The following PRKG2 variants were observed in gnomAD, a reference collection of about 807,000 sequenced individuals.
The protein encoded by PRKG2 is cGMP-dependent protein kinase 2.
In PRKG2, 33 loss-of-function variants were observed where a neutral mutation model predicts 97.2. The observed-to-expected ratio is 0.34, with a 90% CI of 0.26 to 0.45. The LOEUF (loss-of-function observed/expected upper bound fraction) is 0.45, where lower values mean the gene tolerates loss of function less well. Ranked by LOEUF, PRKG2 falls within the 20% of genes least tolerant of loss-of-function variation. The pLI, the probability that PRKG2 is intolerant of heterozygous loss-of-function variation, is 1.00. For synonymous variants in PRKG2, 330 were observed against 321.8 expected (o/e 1.03, Z -0.27); for missense variants, 638 against 900.0 (o/e 0.71, Z 3.73).
chr4:81,131,406 T>C (rs1746165220), intron 14 of PRKG2, among the ~76,000 whole-genome samples: 1 of 152,216 alleles, frequency 6.6e-6, no homozygotes, highest in Non-Finnish European at 1.5e-5. Flanking sequence ...ACCAGAGCTG[T>C]TCCTATTTGG....
At position 81,140,589 on chromosome 4, in the gene PRKG2, C is replaced by T. The variant is rs1351288858; in HGVS notation, c.1488G>A (p.Glu496=). 6.2e-7 allele frequency: 1 copy of T among 1,613,146 alleles called. No individual in the cohort carries two copies. Among genetic ancestry groups the T allele is most frequent in the Admixed American group, 1.7e-5 (1 of 60,018 alleles). The change falls in exon 12 of 19, where the codon GAG becomes GAA. Residue 496 remains glutamate (E), a synonymous_variant. Transcript: ENST00000264399. Reference sequence around the variant, plus strand: ...GGATCCTCTTCTCTGAGTAGACATGCTCCTGCTGCTTGGTGTCAACTATGT... The same window carrying T: ...GGATCCTCTTCTCTGAGTAGACATGTTCCTGCTGCTTGGTGTCAACTATGT... ...KKHIVDTKQQ[E]HVYSEKRILE...
At chr4:81,119,678 A>AT (rs201642317) in intron 14 of PRKG2, among the ~76,000 whole-genome samples, 4,617 of 144,006 alleles carry the variant, frequency 0.032, 208 homozygotes, top group African/African-American at 0.11. Context: ...ACTGAATTGA[A>AT]TTTTTTTTTT....
At chr4:81,182,397 C>A (rs1751494695) in intron 2 of PRKG2, among the ~76,000 whole-genome samples, 1 of 151,854 alleles carries the variant, frequency 6.6e-6, no homozygotes. Context: ...AGAGGAAAAT[C>A]TCCTTAATCT....
intron 2 of PRKG2, among the ~76,000 whole-genome samples, chr4:81,175,258 T>C (rs933504936): frequency 6.6e-6 from 1 of 152,150 alleles, no homozygotes; most frequent in Non-Finnish European, 1.5e-5. Flanking sequence ...GCACTACTAA[T>C]GGACACATGA....
chr4:81,168,653 T>C (rs770019178), intron 5 of PRKG2, among the ~76,000 whole-genome samples: 2 of 152,098 alleles, frequency 1.3e-5, no homozygotes, highest in African/African-American at 4.8e-5. Flanking sequence ...AGCTAATGCA[T>C]TGGCTGGCAT....
chr4:81,099,769 A>C (rs1742522785), intron 17 of PRKG2, among the ~76,000 whole-genome samples: 1 of 152,174 alleles, frequency 6.6e-6, no homozygotes, highest in African/African-American at 2.4e-5. Context: ...GAGGAAGTCA[A>C]ATTGTCCCTG....
intron 2 of PRKG2, among the ~76,000 whole-genome samples, chr4:81,184,308 A>C (rs1275871320): frequency 2.6e-5 from 4 of 152,190 alleles, no homozygotes; most frequent in Non-Finnish European, 4.4e-5. Context: ...AACAGGCAGC[A>C]ATCTTTGCTG....
chr4:81,189,063 T>TAA (rs1401411435), intron 2 of PRKG2, among the ~76,000 whole-genome samples: 6 of 6,410 alleles, frequency 9.4e-4, no homozygotes, highest in Admixed American at 2.1e-3. Flanking sequence ...TTAAAAAAAA[T>TAA]AATAAAAAAA....
chr4:81,193,495 A>T (rs1273493154), intron 2 of PRKG2: 1 of 152,224 alleles, frequency 6.6e-6, no homozygotes, highest in Non-Finnish European at 1.5e-5. Flanking sequence ...TATCACCACA[A>T]TAAGTAGGCA....
intron 17 of PRKG2, among the ~76,000 whole-genome samples, chr4:81,097,245 T>C (rs560154945): frequency 6.6e-6 from 1 of 152,232 alleles, no homozygotes; most frequent in East Asian, 1.9e-4. Context: ...TTAATCTCCT[T>C]GTACATTTCC....
chr4:81,090,964 C>T (rs190392383), intron 18 of PRKG2, among the ~76,000 whole-genome samples: 3 of 152,134 alleles, frequency 2.0e-5, no homozygotes, highest in South Asian at 2.1e-4. Context: ...TATATTTATG[C>T]CATTTGACAC....
Position 81,189,066 on chromosome 4 carries a change from TAAAAAAAAAA to T in PRKG2, c.462-14117_462-14108del. ...AAAAAAAAAAGATTAAAAAAAATAA[TAAAAAAAAAA>T]AAAAAAAAAAAAAAAAGAAGCTAGC... On this transcript the variant is annotated intron_variant, in intron 2 of 18. Transcript: ENST00000264399. Among the ~76,000 whole-genome samples the T allele has an allele frequency of 2.9e-4, 5 of 17,062 alleles. No individual in the cohort carries two copies. The Admixed American group carries it at 3.5e-3, about 12-fold the overall frequency. 11.2% of individuals were successfully genotyped at this position (17,062 alleles called of 152,430 possible).
chr4:81,211,390 T>C (rs954729181), intron 1 of PRKG2, among the ~76,000 whole-genome samples: 2 of 152,072 alleles, frequency 1.3e-5, no homozygotes, highest in African/African-American at 4.8e-5. Context: ...TATTAAGAAA[T>C]GAATGCAAGA....
intron 2 of PRKG2, among the ~76,000 whole-genome samples, chr4:81,184,460 G>A (rs564884209): frequency 1.3e-5 from 2 of 152,192 alleles, no homozygotes; most frequent in Admixed American, 1.3e-4. Flanking sequence ...CAACAAAATG[G>A]ATGCCCACAC....
chr4:81,119,820 A>G (rs535187472), intron 14 of PRKG2, among the ~76,000 whole-genome samples: 35 of 151,822 alleles, frequency 2.3e-4, no homozygotes, highest in Non-Finnish European at 3.5e-4. Flanking sequence ...GGCTACAGGC[A>G]CCCGCCACCA....
At chr4:81,121,892 A>G (rs1745106453) in intron 14 of PRKG2, among the ~76,000 whole-genome samples, 1 of 152,252 alleles carries the variant, frequency 6.6e-6, no homozygotes, top group Admixed American at 6.5e-5. Flanking sequence ...ACAGGCAGAT[A>G]GATGACAGGC....
At chr4:81,151,598 A>C (rs190280067) in intron 8 of PRKG2, among the ~76,000 whole-genome samples, 4 of 152,224 alleles carry the variant, frequency 2.6e-5, no homozygotes, top group African/African-American at 9.6e-5. Flanking sequence ...TTATTTCGTA[A>C]TTTTTAAAAA....
At chr4:81,185,420 C>T (rs1277745267) in intron 2 of PRKG2, among the ~76,000 whole-genome samples, 2 of 152,084 alleles carry the variant, frequency 1.3e-5, no homozygotes, top group African/African-American at 4.8e-5. Flanking sequence ...TACAAACAAG[C>T]AAATGCTGAG....
intron 4 of PRKG2, 144 bp from the exon 5 acceptor site, chr4:81,169,912 A>AC: frequency 1.9e-6 from 1 of 535,046 alleles, no homozygotes; most frequent in Non-Finnish European, 3.1e-6. Flanking sequence ...AATGAAGGAG[A>AC]CAGAAAAATA....
Sources: allele counts gnomAD v4.1 joint callset (sites outside exome capture counted in the v4.1 genomes callset), GRCh38; gene constraint gnomAD v4.1.1; transcripts MANE v1.5; gene names NCBI Gene and HGNC (gene_info 2026-07-23, HGNC 2026-07-21).